Variants in AGBL4 observed in about 807,000 individuals in gnomAD.
AGBL4 encodes the protein AGBL carboxypeptidase 4.
In AGBL4, 58 loss-of-function variants were observed where a neutral mutation model predicts 66.4. The ratio of observed to expected loss-of-function variants is 0.87; its 90% CI spans 0.71 to 1.09. The LOEUF (loss-of-function observed/expected upper bound fraction) is 1.09. Ranked by LOEUF, AGBL4 falls within the 50% of genes least tolerant of loss-of-function variation. AGBL4 has a pLI of 0.00. For synonymous variants in AGBL4, 234 were observed against 222.9 expected, an observed-to-expected ratio of 1.05 and a Z score of -0.44; for missense variants, 579 against 631.0, an observed-to-expected ratio of 0.92 and a Z score of 0.88.
intron 2 of AGBL4, among the ~76,000 whole-genome samples, chr1:49,837,285 G>C (rs759744131): frequency 6.6e-6 from 1 of 152,154 alleles, no homozygotes; most frequent in African/African-American, 2.4e-5. Context: ...ATGCAGTCTG[G>C]CTATAGCCAC....
chr1:49,733,388 C>G (rs1649606932), intron 2 of AGBL4, among the ~76,000 whole-genome samples: 1 of 152,154 alleles, frequency 6.6e-6, no homozygotes, highest in African/African-American at 2.4e-5. Flanking sequence ...ATGTTTTTCT[C>G]ATTTCTACTT....
chr1:49,029,841 A>AGAATGTAAC (rs747021351), intron 5 of AGBL4, among the ~76,000 whole-genome samples: 10 of 152,228 alleles, frequency 6.6e-5, no homozygotes, highest in Non-Finnish European at 1.3e-4. Flanking sequence ...ATAGATCAAT[A>AGAATGTAAC]GAATGTAACT....
At chr1:49,320,533 T>C (rs1645114492) in intron 3 of AGBL4, among the ~76,000 whole-genome samples, 1 of 151,818 alleles carries the variant, frequency 6.6e-6, no homozygotes, top group African/African-American at 2.4e-5. Context: ...CAGAGGTAAC[T>C]ATGAAAATGC....
At chr1:48,760,281 C>T (rs755133287) in intron 6 of AGBL4, among the ~76,000 whole-genome samples, 14 of 152,194 alleles carry the variant, frequency 9.2e-5, no homozygotes, top group Non-Finnish European at 1.6e-4. Flanking sequence ...ATGAATTCTT[C>T]ACTCAGGGCA....
chr1:49,981,093 T>C (rs901457737), intron 1 of AGBL4, among the ~76,000 whole-genome samples: 75 of 152,304 alleles, frequency 4.9e-4, no homozygotes, highest in African/African-American at 1.6e-3. Context: ...TGAATGCTTC[T>C]GGAAATTTTA....
At chr1:49,105,083 A>T (rs1645268167) in intron 4 of AGBL4, among the ~76,000 whole-genome samples, 3 of 152,174 alleles carry the variant, frequency 2.0e-5, no homozygotes, top group Non-Finnish European at 1.5e-5. Flanking sequence ...CTCACAGCAG[A>T]CATTATGCAT....
intron 5 of AGBL4, among the ~76,000 whole-genome samples, chr1:48,926,229 T>A (rs1166452229): frequency 6.7e-6 from 1 of 150,288 alleles, no homozygotes; most frequent in Non-Finnish European, 1.5e-5. Flanking sequence ...GGCTGACCAC[T>A]TTGCATGACC....
chr1:49,700,928 A>G (rs1212565292), intron 2 of AGBL4, among the ~76,000 whole-genome samples: 2 of 152,182 alleles, frequency 1.3e-5, no homozygotes, highest in African/African-American at 4.8e-5. Flanking sequence ...AAGAACAGAA[A>G]ATGTTAAAAA....
intron 3 of AGBL4, among the ~76,000 whole-genome samples, chr1:49,625,062 G>T (rs1197401844): frequency 1.3e-5 from 2 of 151,994 alleles, no homozygotes; most frequent in African/African-American, 2.4e-5. Context: ...TTTCCTTTAA[G>T]GTTCAGTCCC....
At chr1:49,329,526 C>T (rs1415517303) in intron 3 of AGBL4, among the ~76,000 whole-genome samples, 4 of 151,852 alleles carry the variant, frequency 2.6e-5, no homozygotes, top group East Asian at 1.9e-4. Flanking sequence ...ATTAGCCGGA[C>T]GGGGTGGTAC....
chr1:49,763,720 C>T (rs922266511), intron 2 of AGBL4, among the ~76,000 whole-genome samples: 1 of 152,194 alleles, frequency 6.6e-6, no homozygotes, highest in Non-Finnish European at 1.5e-5. Flanking sequence ...CCCCCAGGGC[C>T]TCCAGATGGA....
intron 3 of AGBL4, among the ~76,000 whole-genome samples, chr1:49,288,421 CA>C (rs1644467034): frequency 6.6e-6 from 1 of 150,416 alleles, no homozygotes; most frequent in Admixed American, 6.6e-5. Context: ...CTAGATCCAA[CA>C]GAGAGCATTT....
At chr1:49,518,524 C>G (rs1650012316) in intron 3 of AGBL4, among the ~76,000 whole-genome samples, 1 of 151,940 alleles carries the variant, frequency 6.6e-6, no homozygotes, top group African/African-American at 2.4e-5. Context: ...AATTATATAA[C>G]ATCAGTGTCA....
chr1:48,707,706 C>G (rs1646902650), intron 6 of AGBL4, among the ~76,000 whole-genome samples: 1 of 152,158 alleles, frequency 6.6e-6, no homozygotes, highest in East Asian at 1.9e-4. Flanking sequence ...TCTACAGCGG[C>G]TGATGGGAAC....
chr1:48,717,019 C>T lies in AGBL4; in HGVS notation c.635-53778G>A, dbSNP rs1230155592. ...AAGAGCCTGTGAGGGAACAGTGACC[C>T]GCTTCTGACTTTCAGCTTCAGGCCA... On this transcript the variant is annotated intron_variant, in intron 6 of 13. Coordinates refer to ENST00000371839, the MANE Select transcript of AGBL4 (RefSeq NM_032785.4). 2.0e-5 allele frequency among the ~76,000 whole-genome samples: 3 copies of T among 152,202 alleles called. 1 individual carries two copies. The highest frequency in any genetic ancestry group is 2.1e-4 in the South Asian group (1 of 4,830).
rs1644214011 is a variant in AGBL4 at position 49,364,920 on chromosome 1, A to G, written c.283-119056T>C. Among the ~76,000 whole-genome samples the G allele has an allele frequency of 2.0e-5, 3 of 152,314 alleles. 1 individual carries two copies. The highest frequency in any genetic ancestry group is 4.1e-4 in the South Asian group (2 of 4,828). On this transcript the variant is annotated intron_variant, in intron 3 of 13. Coordinates refer to ENST00000371839, the MANE Select transcript of AGBL4 (RefSeq NM_032785.4). ...GACACCATCCCCTGCATTTTCAACC[A>G]CTATACTGAACCTATTGTATGAGAT...
At chr1:49,385,700 G>T (rs1644722064) in intron 3 of AGBL4, among the ~76,000 whole-genome samples, 1 of 151,902 alleles carries the variant, frequency 6.6e-6, no homozygotes, top group Non-Finnish European at 1.5e-5. Flanking sequence ...TAATACAAAA[G>T]AAACTAAAAG....
chr1:49,085,037 T>G (rs1644879598), intron 4 of AGBL4, among the ~76,000 whole-genome samples: 1 of 152,114 alleles, frequency 6.6e-6, no homozygotes, highest in South Asian at 2.1e-4. Flanking sequence ...TATTTCTGGG[T>G]GTATTTGTCA....
intron 9 of AGBL4, among the ~76,000 whole-genome samples, chr1:48,597,249 C>A (rs924731102): frequency 2.6e-5 from 4 of 152,206 alleles, no homozygotes; most frequent in Admixed American, 2.0e-4. Flanking sequence ...TTCATCCATT[C>A]ATCTGGCAAA....
Sources: gnomAD v4.1 joint callset for allele counts (sites outside exome capture counted in the v4.1 genomes callset) on GRCh38, gnomAD v4.1.1 for gene constraint, MANE v1.5 for transcripts, NCBI Gene and HGNC (gene_info 2026-07-23, HGNC 2026-07-21) for gene names.